Variants in ATOH1 observed in about 807,000 individuals in gnomAD.
The protein encoded by ATOH1 is atonal bHLH transcription factor 1, also known as transcription factor ATOH1.
A neutral mutation model predicts 20.7 loss-of-function variants in ATOH1; 9 were observed. The ratio of observed to expected loss-of-function variants is 0.44; its 90% CI spans 0.26 to 0.76. The LOEUF (loss-of-function observed/expected upper bound fraction) is 0.76, where lower values mean the gene tolerates loss of function less well. Among genes scored for constraint, ATOH1 ranks in the 30% least tolerant of loss-of-function variants. The probability of loss-of-function intolerance (pLI) is 0.20; values close to 1 mark genes in which losing one functional copy is unlikely to be tolerated. For missense variants in ATOH1, 516 were observed against 479.3 expected, an observed-to-expected ratio of 1.08 and a Z score of -0.71; for synonymous variants, 247 against 214.3, an observed-to-expected ratio of 1.15 and a Z score of -1.33.
chr4:93,829,830 C>T lies in ATOH1; in HGVS notation c.904C>T (p.Leu302=), dbSNP rs748258469. ...CTTCTCGACTTTCGAGGACAGCGCC[C>T]TGACAGCGATGATGGCGCAAAAGAA... The part of the protein sequence containing the change: ...LHFSTFEDSA[L]TAMMAQKNLS... The change falls in exon 1 of 1, where the codon CTG becomes TTG. Residue 302 remains leucine, a synonymous_variant. Coordinates refer to ENST00000306011, the MANE Select transcript of ATOH1 (RefSeq NM_005172.2). This position sits in a 1 kb window ranked among gnomAD's most constrained non-coding sequence, Gnocchi z 4.5. The T allele has an allele frequency of 6.2e-7, 1 of 1,614,044 alleles. No individual in the cohort carries two copies. The highest frequency in any genetic ancestry group is 1.7e-5 in the Admixed American group (1 of 60,036).
Position 93,828,816 on chromosome 4 carries a change from G to A in ATOH1, c.-111G>A. The A allele has an allele frequency of 1.6e-6, 2 of 1,286,840 alleles. No homozygotes were observed. The highest frequency in any genetic ancestry group is 2.8e-4 in the Middle Eastern group (1 of 3,584). 79.7% of individuals were successfully genotyped at this position (1,286,840 alleles called of 1,614,324 possible). ...CGAGTGGGTGGGGGAGGGTCGAGGA[G>A]GGAAAAAAAAATAAGACGTTGCAGA... On this transcript the variant is annotated 5_prime_UTR_variant, in exon 1 of 1. Transcript: ENST00000306011.
chr4:93,830,265 C>G lies in ATOH1; in HGVS notation c.*274C>G, dbSNP rs1435500452. The G allele has an allele frequency of 4.1e-6, 2 of 489,662 alleles. No homozygotes were observed. The highest frequency in any genetic ancestry group is 4.0e-5 in the African/African-American group (2 of 50,332). The allele number at this position is 489,662 out of a possible 1,614,324, so 30.3% of individuals were successfully genotyped here. A position where few individuals can be genotyped will look rare whatever the true frequency, so the allele number is the denominator to read the frequency against. ...CTTCTGCTCCCCCTTTAGATAGATA[C>G]GGTATAATTGTAGGTACCCGTATAT... On this transcript the variant is annotated 3_prime_UTR_variant, in exon 1 of 1. Transcript: ENST00000306011.
Position 93,829,298 on chromosome 4 carries a change from G to T in ATOH1, c.372G>T (p.Val124=). 6.2e-7 allele frequency: 1 copy of T among 1,612,454 alleles called. No homozygotes were observed. Among genetic ancestry groups the T allele is most frequent in the Non-Finnish European group, 8.5e-7 (1 of 1,179,058 alleles). ...GCAAGAGCCCCGGGCCGGTGAAAGT[G>T]CGGGAACAGCTGTGCAAGCTGAAAG... ...SSSKSPGPVK[V]REQLCKLKGG... is the part of the protein sequence containing the mutation. Residue 124 remains valine, a synonymous_variant, in exon 1 of 1, where the codon GTG becomes GTT. Transcript: ENST00000306011. The surrounding 1 kb of genome is among the most constrained non-coding windows in gnomAD (Gnocchi z 4.5).
chr4:93,829,268 C>A lies in ATOH1; in HGVS notation c.342C>A (p.Ser114Arg). Residue 114 changes from serine (S) to arginine (R), a missense_variant, in exon 1 of 1, where the codon AGC becomes AGA. Physicochemically the swap from Ser to Arg is moderately radical, Grantham distance 110. Coordinates refer to ENST00000306011, the MANE Select transcript of ATOH1 (RefSeq NM_005172.2). This position sits in a 1 kb window ranked among gnomAD's most constrained non-coding sequence, Gnocchi z 4.5. Reference protein sequence around the residue: ...ELVRRSSGGASSSKSPGPVKV... With the variant: ...ELVRRSSGGARSSKSPGPVKV... ...TAAGGAGGAGCAGCGGCGGTGCCAG[C>A]AGCAGCAAGAGCCCCGGGCCGGTGA... is the stretch of plus-strand genomic sequence containing the variant. The A allele has an allele frequency of 6.2e-7, 1 of 1,601,028 alleles. No homozygotes were observed. The highest frequency in any genetic ancestry group is 8.5e-7 in the Non-Finnish European group (1 of 1,172,506).
rs145270864 is a variant in ATOH1, at chr4:93,829,743, C to G, written c.817C>G (p.Arg273Gly). Reference sequence around the variant, plus strand: ...GCGGCCGACCCCGCCCGGGAGTTGCCGGACTCGCTTCTCAGCCCCAGCTTC... The same window carrying G: ...GCGGCCGACCCCGCCCGGGAGTTGCGGGACTCGCTTCTCAGCCCCAGCTTC... ...SQRPTPPGSC[R>G]TRFSAPASAG... is the part of the protein sequence containing the mutation. Residue 273 changes from arginine (R) to glycine (G), a missense_variant, in exon 1 of 1, where the codon CGG becomes GGG. Arg to Gly is a moderately radical substitution (Grantham distance 125). Coordinates refer to ENST00000306011, the MANE Select transcript of ATOH1 (RefSeq NM_005172.2). The surrounding 1 kb of genome is among the most constrained non-coding windows in gnomAD (Gnocchi z 4.5). 2.2e-4 allele frequency: 341 copies of G among 1,583,374 alleles called. No homozygotes were observed. Among genetic ancestry groups the G allele is most frequent in the Non-Finnish European group, 2.8e-4 (326 of 1,165,434 alleles).
Position 93,830,369 on chromosome 4 carries a change from T to G in ATOH1, c.*378T>G, listed in dbSNP as rs540701286. ...TCTCTGTCACTGGTTTGGGTTTAAT[T>G]TATTTTACGCCCTGGGCATCCATCC... On this transcript the variant is annotated 3_prime_UTR_variant, in exon 1 of 1. Transcript: ENST00000306011. 5.3e-6 allele frequency: 1 copy of G among 187,114 alleles called. No homozygotes were observed. The highest frequency in any genetic ancestry group is 6.0e-5 in the Admixed American group (1 of 16,686). The allele number at this position is 187,114 out of a possible 1,614,324, so 11.6% of individuals were successfully genotyped here.
chr4:93,828,863 T>G lies in ATOH1; in HGVS notation c.-64T>G. ...CAGAAGAGACCCGGAAAGGGCCTTTTTTTTGGTTGAGCTGGTGTCCCAGTG... is the reference window on the plus strand; with the variant it reads ...CAGAAGAGACCCGGAAAGGGCCTTTGTTTTGGTTGAGCTGGTGTCCCAGTG... On this transcript the variant is annotated 5_prime_UTR_variant, in exon 1 of 1. Coordinates refer to ENST00000306011, the MANE Select transcript of ATOH1 (RefSeq NM_005172.2). 1.3e-6 allele frequency: 2 copies of G among 1,487,276 alleles called. No homozygotes were observed. Among genetic ancestry groups the G allele is most frequent in the Non-Finnish European group, 1.8e-6 (2 of 1,117,988 alleles). 92.1% of individuals were successfully genotyped at this position (1,487,276 alleles called of 1,614,324 possible). A position where few individuals can be genotyped will look rare whatever the true frequency, so the allele number is the denominator to read the frequency against.
Position 93,829,211 on chromosome 4 carries a change from C to G in ATOH1, c.285C>G (p.Pro95=), listed in dbSNP as rs760041029. 2.5e-6 allele frequency: 4 copies of G among 1,584,098 alleles called. No homozygotes were observed. In the South Asian group the frequency reaches 4.7e-5, roughly 18 times the overall value. ...PELGASEAAA[P]RDEVDGRGEL... is the part of the protein sequence containing the mutation. ...TGGGTGCCTCAGAGGCCGCTGCGCC[C>G]CGGGACGAGGTGGACGGCCGGGGGG... Residue 95 remains proline (P), a synonymous_variant, in exon 1 of 1, where the codon CCC becomes CCG. Coordinates refer to ENST00000306011, the MANE Select transcript of ATOH1 (RefSeq NM_005172.2). The surrounding 1 kb of genome is among the most constrained non-coding windows in gnomAD (Gnocchi z 4.5).
At position 93,828,988 on chromosome 4, in the gene ATOH1, G is replaced by T. The variant is rs764742976; in HGVS notation, c.62G>T (p.Arg21Leu). 5.6e-6 allele frequency: 9 copies of T among 1,612,908 alleles called. No individual in the cohort carries two copies. The highest frequency in any genetic ancestry group is 7.6e-6 in the Non-Finnish European group (9 of 1,179,498). The change falls in exon 1 of 1, where the codon CGC becomes CTC. Residue 21 changes from arginine (R) to leucine (L), a missense_variant. Arg to Leu is a moderately radical substitution (Grantham distance 102). Coordinates refer to ENST00000306011, the MANE Select transcript of ATOH1 (RefSeq NM_005172.2). ...GTGAAGGAGTTGGGAGACCACCATC[G>T]CCAGCCCCAGCCGCATCATCTCCCG... ...AEVKELGDHH[R>L]QPQPHHLPQP...
chr4:93,829,852 A>C lies in ATOH1; in HGVS notation c.926A>C (p.Lys309Thr). 6.2e-7 allele frequency: 1 copy of C among 1,614,098 alleles called. No homozygotes were observed. The highest frequency in any genetic ancestry group is 8.5e-7 in the Non-Finnish European group (1 of 1,180,044). Residue 309 changes from lysine to threonine, a missense_variant, in exon 1 of 1, where the codon AAG becomes ACG. Physicochemically the swap from Lys to Thr is moderately conservative, Grantham distance 78 (BLOSUM62 -1). Transcript: ENST00000306011. The surrounding 1 kb of genome is among the most constrained non-coding windows in gnomAD (Gnocchi z 4.5). ...DSALTAMMAQ[K>T]NLSPSLPGSI... ...GCCCTGACAGCGATGATGGCGCAAA[A>C]GAATTTGTCTCCTTCTCTCCCCGGG...
In ATOH1 at chr4:93,829,067, C is replaced by G. The variant is rs775248036; in HGVS notation, c.141C>G (p.Pro47=). ...PPATLQAREH[P]VYPPELSLLD... is the part of the protein sequence containing the mutation. ...CAACTTTGCAGGCGAGAGAGCATCC[C>G]GTCTACCCGCCTGAGCTGTCCCTCC... The change falls in exon 1 of 1, where the codon CCC becomes CCG. Residue 47 remains proline, a synonymous_variant. Transcript: ENST00000306011. This position sits in a 1 kb window ranked among gnomAD's most constrained non-coding sequence, Gnocchi z 4.5. 5.0e-6 allele frequency: 8 copies of G among 1,613,764 alleles called. No homozygotes were observed. The highest frequency in any genetic ancestry group is 1.1e-5 in the South Asian group (1 of 91,074).
rs573835433 is a variant in ATOH1 at position 93,829,068 on chromosome 4, G to T, written c.142G>T (p.Val48Phe). The T allele has an allele frequency of 3.7e-6, 6 of 1,613,832 alleles. 1 individual carries two copies. The African/African-American group carries it at 8.0e-5, about 22-fold the overall frequency. The change falls in exon 1 of 1, where the codon GTC (valine) becomes TTC (phenylalanine). Residue 48 changes from valine (V) to phenylalanine (F), a missense_variant. Val to Phe is a conservative substitution (Grantham distance 50, BLOSUM62 -1). Transcript: ENST00000306011. This position sits in a 1 kb window ranked among gnomAD's most constrained non-coding sequence, Gnocchi z 4.5. ...AACTTTGCAGGCGAGAGAGCATCCC[G>T]TCTACCCGCCTGAGCTGTCCCTCCT... ...PATLQAREHP[V>F]YPPELSLLDS...
Position 93,829,205 on chromosome 4 carries a change from T to A in ATOH1, c.279T>A (p.Ala93=), listed in dbSNP as rs1291007814. 2.5e-6 allele frequency: 4 copies of A among 1,583,746 alleles called. No individual in the cohort carries two copies. The South Asian group carries it at 4.7e-5, about 18-fold the overall frequency. The part of the protein sequence containing the change: ...HSPELGASEA[A]APRDEVDGRG... ...CGGAGCTGGGTGCCTCAGAGGCCGC[T>A]GCGCCCCGGGACGAGGTGGACGGCC... The change falls in exon 1 of 1, where the codon GCT becomes GCA. Residue 93 remains alanine, a synonymous_variant. Coordinates refer to ENST00000306011, the MANE Select transcript of ATOH1 (RefSeq NM_005172.2). This position sits in a 1 kb window ranked among gnomAD's most constrained non-coding sequence, Gnocchi z 4.5.
In ATOH1 at chr4:93,830,676, GT is replaced by G. The variant is rs1232900295; in HGVS notation, c.*698del. 618 of 154,774 alleles carry G rather than the reference GT, an allele frequency of 4.0e-3. 1 individual carries two copies. Among genetic ancestry groups the G allele is most frequent in the Middle Eastern group, 3.7e-3 (1 of 272 alleles). 9.6% of individuals were successfully genotyped at this position (154,774 alleles called of 1,614,324 possible). ...AAACTCAACTGCCAATTGCAGACCA[GT>G]TTTTTTTTTTTTAAACACAGCCACT... On this transcript the variant is annotated 3_prime_UTR_variant, in exon 1 of 1. Coordinates refer to ENST00000306011, the MANE Select transcript of ATOH1 (RefSeq NM_005172.2).
chr4:93,829,028 G>C lies in ATOH1; in HGVS notation c.102G>C (p.Pro34=). The C allele has an allele frequency of 6.2e-7, 1 of 1,613,790 alleles. No individual in the cohort carries two copies. Among genetic ancestry groups the C allele is most frequent in the Non-Finnish European group, 8.5e-7 (1 of 1,179,938 alleles). The change falls in exon 1 of 1, where the codon CCG becomes CCC. Residue 34 remains proline (P), a synonymous_variant. Transcript: ENST00000306011. The surrounding 1 kb of genome is among the most constrained non-coding windows in gnomAD (Gnocchi z 4.5). ...ATCATCTCCCGCAACCGCCGCCGCC[G>C]CCGCAGCCACCTGCAACTTTGCAGG... ...QPHHLPQPPP[P]PQPPATLQAR...
Position 93,830,106 on chromosome 4 carries a change from G to C in ATOH1, c.*115G>C. ...CTTTAATTTTTGCTCTGCGATGGTC[G>C]TTGTTTAGCAACGACTTGGCTTCAG... On this transcript the variant is annotated 3_prime_UTR_variant, in exon 1 of 1. Transcript: ENST00000306011. The C allele has an allele frequency of 7.0e-7, 1 of 1,437,230 alleles. No individual in the cohort carries two copies. The highest frequency in any genetic ancestry group is 9.1e-7 in the Non-Finnish European group (1 of 1,097,020). 89.0% of individuals were successfully genotyped at this position (1,437,230 alleles called of 1,614,324 possible).
Position 93,829,472 on chromosome 4 carries a change from G to A in ATOH1, c.546G>A (p.Leu182=), listed in dbSNP as rs1735399347. ...MHGLNHAFDQ[L]RNVIPSFNND... ...GGCTGAACCACGCCTTCGACCAGCT[G>A]CGCAATGTTATCCCGTCGTTCAACA... Residue 182 remains leucine (L), a synonymous_variant, in exon 1 of 1, where the codon CTG becomes CTA. Transcript: ENST00000306011. The surrounding 1 kb of genome is among the most constrained non-coding windows in gnomAD (Gnocchi z 4.5). The A allele has an allele frequency of 6.2e-7, 1 of 1,614,266 alleles. No individual in the cohort carries two copies. The highest frequency in any genetic ancestry group is 8.5e-7 in the Non-Finnish European group (1 of 1,180,050).
At position 93,829,427 on chromosome 4, in the gene ATOH1, G is replaced by A; in HGVS notation, c.501G>A (p.Arg167=). 2 of 1,614,246 alleles carry A rather than the reference G, an allele frequency of 1.2e-6. No homozygotes were observed. The highest frequency in any genetic ancestry group is 2.2e-5 in the East Asian group (1 of 44,880). The change falls in exon 1 of 1, where the codon AGG becomes AGA. Residue 167 remains arginine, a synonymous_variant. Coordinates refer to ENST00000306011, the MANE Select transcript of ATOH1 (RefSeq NM_005172.2). This position sits in a 1 kb window ranked among gnomAD's most constrained non-coding sequence, Gnocchi z 4.5. ...AGAGACGGCTAGCAGCCAACGCCAG[G>A]GAGCGGCGCAGGATGCATGGGCTGA... ...QKQRRLAANA[R]ERRRMHGLNH...
rs1469647296 is a variant in ATOH1, at chr4:93,829,284, G to C, written c.358G>C (p.Gly120Arg). The change falls in exon 1 of 1, where the codon GGG becomes CGG. Residue 120 changes from glycine (G) to arginine (R), a missense_variant. Transcript: ENST00000306011. This position sits in a 1 kb window ranked among gnomAD's most constrained non-coding sequence, Gnocchi z 4.5. ...CGGTGCCAGCAGCAGCAAGAGCCCC[G>C]GGCCGGTGAAAGTGCGGGAACAGCT... ...SGGASSSKSPGPVKVREQLCK... is the reference protein window; with the variant it reads ...SGGASSSKSPRPVKVREQLCK... 6.2e-7 allele frequency: 1 copy of C among 1,609,018 alleles called. No individual in the cohort carries two copies. The highest frequency in any genetic ancestry group is 8.5e-7 in the Non-Finnish European group (1 of 1,176,904).
Sources: gnomAD v4.1 joint callset for allele counts on GRCh38, gnomAD v4.1.1 for gene constraint, Gnocchi (gnomAD v3.1) non-coding constraint, MANE v1.5 for transcripts, NCBI Gene and HGNC (gene_info 2026-07-23, HGNC 2026-07-21) for gene names.